CACNA1H: variants seen among roughly 807,000 people sequenced by gnomAD.
The protein encoded by CACNA1H is calcium voltage-gated channel subunit alpha1 H.
In CACNA1H, 149 loss-of-function variants were observed where a neutral mutation model predicts 192.5. That is an observed-to-expected ratio of 0.77 (90% CI 0.68 to 0.89). The LOEUF is 0.89. Among genes scored for constraint, CACNA1H ranks in the 40% least tolerant of loss-of-function variants. The pLI is 0.00. For synonymous variants in CACNA1H, 2,202 were observed against 1,475.2 expected (o/e 1.49, Z -11.29); for missense variants, 4,257 against 3,423.5 (o/e 1.24, Z -6.08).
chr16:1,214,499 G>C, intron 27 of CACNA1H, among the ~76,000 whole-genome samples: 2 of 152,170 alleles, frequency 1.3e-5, no homozygotes, highest in East Asian at 3.9e-4. Flanking sequence ...AGAGGGTGAG[G>C]GGCTCCCAGG....
intron 2 of CACNA1H, among the ~76,000 whole-genome samples, chr16:1,158,155 T>G (rs2151631816): frequency 6.6e-6 from 1 of 152,282 alleles, no homozygotes; most frequent in African/African-American, 2.4e-5. Flanking sequence ...GGGCTGGATG[T>G]GTCCCTGCCT....
At chr16:1,216,359 C>T (rs747493151) in intron 30 of CACNA1H, among the ~76,000 whole-genome samples, 12 of 152,248 alleles carry the variant, frequency 7.9e-5, no homozygotes, top group Non-Finnish European at 1.5e-4. Context: ...AGAGAAGGGG[C>T]GTGGCGTAGG....
In CACNA1H at chr16:1,218,574, T is replaced by C. The variant is rs1436540978; in HGVS notation, c.5810T>C (p.Val1937Ala). 17 of 1,565,124 alleles carry C rather than the reference T, an allele frequency of 1.1e-5. No homozygotes were observed. Among genetic ancestry groups the C allele is most frequent in the Non-Finnish European group, 1.5e-5 (17 of 1,155,292 alleles). Residue 1937 changes from valine to alanine, a missense_variant, in exon 33 of 35, where the codon GTG (valine) becomes GCG (alanine). Coordinates refer to ENST00000348261, the MANE Select transcript of CACNA1H (RefSeq NM_021098.3). ...LPNDSYMFRP[V>A]VPASAPHPRP... The stretch of plus-strand genomic sequence containing the variant: ...AACGACAGCTACATGTTCAGGCCCG[T>C]GGTGCCTGCCTCGGCGCCCCACCCC...
At chr16:1,184,358 C>G (rs1056142020) in intron 2 of CACNA1H, among the ~76,000 whole-genome samples, 1 of 152,248 alleles carries the variant, frequency 6.6e-6, no homozygotes, top group African/African-American at 2.4e-5. Context: ...GACCGAGGCT[C>G]AGGGGTGAAT....
Position 1,207,417 on chromosome 16 carries a change from G to T in CACNA1H, c.3050G>T (p.Gly1017Val). ...CTGCTGGTGGCCATCCTCGTGGAGG[G>T]CTTCCAGGCGGAGGTGAGGGGGCAG... ...FNLLVAILVE[G>V]FQAEGDANRS... Residue 1017 changes from glycine to valine, a missense_variant, in exon 14 of 35, where the codon GGC becomes GTC. Coordinates refer to ENST00000348261, the MANE Select transcript of CACNA1H (RefSeq NM_021098.3). 1 of 1,613,076 alleles carries T rather than the reference G, an allele frequency of 6.2e-7. No individual in the cohort carries two copies. The highest frequency in any genetic ancestry group is 8.5e-7 in the Non-Finnish European group (1 of 1,179,792).
chr16:1,176,963 G>A lies in CACNA1H; in HGVS notation c.300-18009G>A, dbSNP rs557227808. On this transcript the variant is annotated intron_variant, in intron 2 of 34. Transcript: ENST00000348261. Reference sequence around the variant, plus strand: ...GTGGCCTGGGTTTGGCTTAGGTGGGGGCAGAGTCCCCAGGCTGGGAGGAGG... The same window carrying A: ...GTGGCCTGGGTTTGGCTTAGGTGGGAGCAGAGTCCCCAGGCTGGGAGGAGG... Among the ~76,000 whole-genome samples, 33 of 152,212 alleles carry A rather than the reference G, an allele frequency of 2.2e-4. No individual in the cohort carries two copies. The South Asian group carries it at 6.4e-3, about 30-fold the overall frequency.
chr16:1,188,744 G>A (rs1966308877), intron 2 of CACNA1H, among the ~76,000 whole-genome samples: 2 of 152,206 alleles, frequency 1.3e-5, no homozygotes, highest in Non-Finnish European at 2.9e-5. Flanking sequence ...CAGTGGAGCA[G>A]CTCCACTGAA....
rs879352720 is a variant in CACNA1H at position 1,201,780 on chromosome 16, G to A, written c.1330G>A (p.Asp444Asn). 26 of 1,602,442 alleles carry A rather than the reference G, an allele frequency of 1.6e-5. No individual in the cohort carries two copies. Among genetic ancestry groups the A allele is most frequent in the Non-Finnish European group, 2.0e-5 (23 of 1,175,624 alleles). Residue 444 changes from aspartate (D) to asparagine (N), a missense_variant, in exon 9 of 35, where the codon GAC (aspartate) becomes AAC (asparagine). Coordinates refer to ENST00000348261, the MANE Select transcript of CACNA1H (RefSeq NM_021098.3). The stretch of plus-strand genomic sequence containing the variant: ...GCAGCGGGCACGCCACCTGTCCAAC[G>A]ACAGCACGCTGGCCAGCTTCTCCGA... ...REQRARHLSN[D>N]STLASFSEPG...
At chr16:1,158,858 GCCCGCACC>G in intron 2 of CACNA1H, among the ~76,000 whole-genome samples, 1 of 147,594 alleles carries the variant, frequency 6.8e-6, no homozygotes, top group African/African-American at 2.6e-5. Flanking sequence ...GCCCCGCTCA[GCCCGCACC>G]CCTGGCCCCG....
In CACNA1H at chr16:1,153,295, G is replaced by T. The variant is rs1359466112; in HGVS notation, c.-194G>T. 1 of 144,896 alleles carries T rather than the reference G, an allele frequency of 6.9e-6. No homozygotes were observed. The highest frequency in any genetic ancestry group is 1.5e-5 in the Non-Finnish European group (1 of 65,012). 9.0% of individuals were successfully genotyped at this position (144,896 alleles called of 1,614,324 possible). ...GAGCCGGAGCCGGAGTCGAGCCGCG[G>T]CCGGGAGCCGGGCGGGCTGGGGACG... On this transcript the variant is annotated 5_prime_UTR_variant, in exon 1 of 35. Transcript: ENST00000348261.
intron 2 of CACNA1H, among the ~76,000 whole-genome samples, chr16:1,160,628 C>G (rs955373632): frequency 1.3e-5 from 2 of 152,222 alleles, no homozygotes; most frequent in Non-Finnish European, 2.9e-5. Flanking sequence ...GGCCTCCGTG[C>G]ACACTCCTCG....
At chr16:1,207,150 G>A (rs746547106) in intron 13 of CACNA1H, 32 bp downstream of exon 13, 30 of 1,554,528 alleles carry the variant, frequency 1.9e-5, no homozygotes, top group Non-Finnish European at 2.4e-5. Flanking sequence ...GCAGTGTTGG[G>A]TGCTGAGTGT....
At chr16:1,177,026 C>A (rs190526646) in intron 2 of CACNA1H, among the ~76,000 whole-genome samples, 1,614 of 152,286 alleles carry the variant, frequency 0.011, 11 homozygotes, top group Non-Finnish European at 0.016. Flanking sequence ...TCCCTCCCCC[C>A]AGGAGCTTCC....
chr16:1,201,827 G>C lies in CACNA1H; in HGVS notation c.1377G>C (p.Glu459Asp), dbSNP rs1198319084. Residue 459 changes from glutamate to aspartate, a missense_variant, in exon 9 of 35, where the codon GAG becomes GAC. By Grantham distance (45) the Glu-to-Asp change is conservative (BLOSUM62 2). Transcript: ENST00000348261. ...SFSEPGSCYE[E>D]LLKYVGHIFR... ...CCGAGCCTGGCAGCTGCTACGAAGA[G>C]CTGCTGAAGTACGTGGGCCACATAT... The C allele has an allele frequency of 6.3e-7, 1 of 1,578,862 alleles. No homozygotes were observed. Among genetic ancestry groups the C allele is most frequent in the Admixed American group, 1.8e-5 (1 of 54,468 alleles).
In CACNA1H at chr16:1,207,436, G is replaced by A. The variant is rs760546660; in HGVS notation, c.3063+6G>A. 2.5e-6 allele frequency: 4 copies of A among 1,612,532 alleles called. No homozygotes were observed. In the Admixed American group the frequency reaches 5.0e-5, roughly 20 times the overall value. ...TGGAGGGCTTCCAGGCGGAGGTGAG[G>A]GGGCAGGGAGAGGGGCTGCCAGGAG... On this transcript the variant is annotated splice_donor_region_variant and intron_variant, in intron 14 of 34. Coordinates refer to ENST00000348261, the MANE Select transcript of CACNA1H (RefSeq NM_021098.3).
intron 8 of CACNA1H, among the ~76,000 whole-genome samples, chr16:1,201,241 G>A (rs550314665): frequency 1.5e-4 from 23 of 152,288 alleles, no homozygotes; most frequent in African/African-American, 5.3e-4. Context: ...AACAGAAGCA[G>A]ACAGACGTCC....
At chr16:1,160,355 C>T (rs1312807348) in intron 2 of CACNA1H, among the ~76,000 whole-genome samples, 1 of 152,182 alleles carries the variant, frequency 6.6e-6, no homozygotes, top group East Asian at 1.9e-4. Context: ...GGAGCGACCA[C>T]TCACCCTGGG....
rs376394318 is a variant in CACNA1H, at chr16:1,201,674, C to T, written c.1224C>T (p.Phe408=). Residue 408 remains phenylalanine, a synonymous_variant, in exon 9 of 35, where the codon TTC becomes TTT. Coordinates refer to ENST00000348261, the MANE Select transcript of CACNA1H (RefSeq NM_021098.3). Reference sequence around the variant, plus strand: ...CGCCCCCGTCACAGGTGGGCTCCTTCTTCATGATCAACCTGTGCCTGGTGG... The same window carrying T: ...CGCCCCCGTCACAGGTGGGCTCCTTTTTCATGATCAACCTGTGCCTGGTGG... ...YFILLIIVGS[F]FMINLCLVVI... 85 of 1,599,022 alleles carry T rather than the reference C, an allele frequency of 5.3e-5. No individual in the cohort carries two copies. The highest frequency in any genetic ancestry group is 1.5e-4 in the African/African-American group (11 of 74,774).
At chr16:1,206,838 C>T (rs868813998) in intron 12 of CACNA1H, 163 bp from the exon 13 acceptor site, 22 of 603,458 alleles carry the variant, frequency 3.6e-5, no homozygotes, top group Admixed American at 1.7e-4. Context: ...CCCTTTTAAG[C>T]TAGAGAGCTC....
Sources: allele counts gnomAD v4.1 joint callset (sites outside exome capture counted in the v4.1 genomes callset), GRCh38; gene constraint gnomAD v4.1.1; transcripts MANE v1.5; gene names NCBI Gene and HGNC (gene_info 2026-07-23, HGNC 2026-07-21).